PEX13: variants seen among roughly 807,000 people sequenced by gnomAD.
PEX13 encodes the protein peroxisome biogenesis factor 13.
PEX13 carries 28 observed loss-of-function variants against 34.5 expected under a neutral mutation model. The observed-to-expected ratio is 0.81, with a 90% confidence interval of 0.60 to 1.11. The LOEUF is 1.11. Ranked by LOEUF, PEX13 falls within the 50% of genes most tolerant of loss-of-function variation. The pLI is 0.00. For synonymous variants in PEX13, 177 were observed against 175.1 expected (o/e 1.01, Z -0.09); for missense variants, 550 against 491.0 (o/e 1.12, Z -1.13).
intron 1 of PEX13, among the ~76,000 whole-genome samples, chr2:61,025,129 C>T (rs1053962247): frequency 2.5e-4 from 34 of 137,220 alleles, no homozygotes; most frequent in African/African-American, 7.9e-4. Context: ...AGTGCAGTGG[C>T]GTGATCTCGG....
chr2:61,046,019 AG>A (rs1184516881), intron 3 of PEX13, among the ~76,000 whole-genome samples, 168 bp downstream of exon 3: 2 of 152,240 alleles, frequency 1.3e-5, no homozygotes, highest in Non-Finnish European at 2.9e-5. Context: ...GGAGTCAGGA[AG>A]AAATGCCCCA....
chr2:61,028,780 A>G (rs1338297295), intron 1 of PEX13, among the ~76,000 whole-genome samples: 1 of 152,220 alleles, frequency 6.6e-6, no homozygotes, highest in East Asian at 1.9e-4. Flanking sequence ...TAGAAAAGAA[A>G]GGAAACAAAC....
At chr2:61,034,721 A>G (rs371198689) in intron 2 of PEX13, among the ~76,000 whole-genome samples, 25 of 152,350 alleles carry the variant, frequency 1.6e-4, no homozygotes, top group African/African-American at 6.0e-4. Flanking sequence ...CAGCAGTCTG[A>G]GATCAACCAG....
chr2:61,021,568 A>C (rs925044855), intron 1 of PEX13, among the ~76,000 whole-genome samples: 1 of 152,224 alleles, frequency 6.6e-6, no homozygotes, highest in African/African-American at 2.4e-5. Flanking sequence ...TACTGCCTCC[A>C]TAGACTTCAG....
intron 2 of PEX13, among the ~76,000 whole-genome samples, chr2:61,043,835 T>G (rs1232084256): frequency 6.6e-6 from 1 of 152,212 alleles, no homozygotes; most frequent in African/African-American, 2.4e-5. Context: ...AGTTTTATTT[T>G]ATTTTTTTTG....
chr2:61,020,244 A>G (rs143437605), intron 1 of PEX13, among the ~76,000 whole-genome samples: 3 of 152,084 alleles, frequency 2.0e-5, no homozygotes, highest in Non-Finnish European at 2.9e-5. Flanking sequence ...ACAACAACAA[A>G]AAACTTATAA....
chr2:61,033,501 T>C (rs1680485707), intron 2 of PEX13, among the ~76,000 whole-genome samples: 1 of 152,190 alleles, frequency 6.6e-6, no homozygotes, highest in African/African-American at 2.4e-5. Flanking sequence ...GCTAGGGATA[T>C]AGCAATGAAT....
intron 1 of PEX13, among the ~76,000 whole-genome samples, chr2:61,020,706 G>T (rs1356084102): frequency 6.6e-6 from 1 of 151,996 alleles, no homozygotes; most frequent in Admixed American, 6.6e-5. Context: ...CCAGGCTGGA[G>T]TGCAGAGACG....
intron 1 of PEX13, among the ~76,000 whole-genome samples, chr2:61,025,161 C>G (rs998640120): frequency 1.3e-5 from 2 of 151,558 alleles, no homozygotes; most frequent in Non-Finnish European, 2.9e-5. Flanking sequence ...CTCTGCCACC[C>G]AGGTTCAAGC....
chr2:61,018,293 C>T lies in PEX13; in HGVS notation c.92+442C>T. Reference sequence around the variant, plus strand: ...TAACCTCTCGAGAAGTTGCTGAAAGCCGGAAAGGTTTTACGCAACAGGAAC... The same window carrying T: ...TAACCTCTCGAGAAGTTGCTGAAAGTCGGAAAGGTTTTACGCAACAGGAAC... On this transcript the variant is annotated intron_variant, in intron 1 of 3. Transcript: ENST00000295030. The T allele has an allele frequency of 3.2e-6, 5 of 1,550,192 alleles. No individual in the cohort carries two copies. In the South Asian group the frequency reaches 6.0e-5, roughly 18 times the overall value.
chr2:61,043,946 G>A (rs1385731271), intron 2 of PEX13, among the ~76,000 whole-genome samples: 1 of 152,136 alleles, frequency 6.6e-6, no homozygotes, highest in Non-Finnish European at 1.5e-5. Context: ...TGCAGACTTA[G>A]TTAAATTCTG....
At position 61,033,876 on chromosome 2, in the gene PEX13, A is replaced by G. The variant is rs978733589; in HGVS notation, c.787+1763A>G. Among the ~76,000 whole-genome samples the G allele has an allele frequency of 2.0e-5, 3 of 152,224 alleles. No individual in the cohort carries two copies. The South Asian group carries it at 6.2e-4, about 32-fold the overall frequency. ...GCAGGAGATGAAGGGAGTAGATGGT[A>G]TAAGTTGTAGACATGTGTAAGAACA... On this transcript the variant is annotated intron_variant, in intron 2 of 3. Transcript: ENST00000295030.
rs772049365 is a variant in PEX13, at chr2:61,051,925, A to G, written c.*3155A>G. 9 of 152,370 alleles carry G rather than the reference A, an allele frequency of 5.9e-5. No homozygotes were observed. Among genetic ancestry groups the G allele is most frequent in the Non-Finnish European group, 1.2e-4 (8 of 68,044 alleles). The allele number at this position is 152,370 out of a possible 1,614,324, so 9.4% of individuals were successfully genotyped here. On this transcript the variant is annotated 3_prime_UTR_variant, in exon 4 of 4. Transcript: ENST00000295030. ...AAATGAACAGAAACTGAATGCAGTT[A>G]AATTTTTATTTTTAGTAGGTTGTGA...
chr2:61,020,799 C>T (rs963009108), intron 1 of PEX13, among the ~76,000 whole-genome samples: 3 of 151,958 alleles, frequency 2.0e-5, no homozygotes, highest in East Asian at 1.9e-4. Context: ...AGACTACAGG[C>T]GCGTGCCACT....
intron 1 of PEX13, among the ~76,000 whole-genome samples, chr2:61,019,780 G>C (rs998124188): frequency 6.6e-6 from 1 of 152,122 alleles, no homozygotes; most frequent in Admixed American, 6.6e-5. Context: ...TTGATATGTA[G>C]TATGTCAAGA....
intron 2 of PEX13, among the ~76,000 whole-genome samples, chr2:61,035,104 G>T (rs1254854238): frequency 6.6e-6 from 1 of 152,156 alleles, no homozygotes; most frequent in African/African-American, 2.4e-5. Context: ...TGCCCTTCTG[G>T]GACAAAGCTT....
At position 61,048,617 on chromosome 2, in the gene PEX13, A is replaced by G. The variant is rs892266553; in HGVS notation, c.1059A>G (p.Gln353=). The G allele has an allele frequency of 5.0e-6, 8 of 1,614,032 alleles. No individual in the cohort carries two copies. The highest frequency in any genetic ancestry group is 1.3e-5 in the African/African-American group (1 of 74,928). ...VESSKVSKQQ[Q]SFTNPTLTKG... is the part of the protein sequence containing the mutation. ...CAAGTAAAGTTTCCAAGCAGCAACA[A>G]TCTTTTACCAACCCAACACTAACTA... The change falls in exon 4 of 4, where the codon CAA becomes CAG. Residue 353 remains glutamine, a synonymous_variant. Coordinates refer to ENST00000295030, the MANE Select transcript of PEX13 (RefSeq NM_002618.4).
chr2:61,030,630 A>G (rs1187098151), intron 1 of PEX13, among the ~76,000 whole-genome samples: 3 of 152,212 alleles, frequency 2.0e-5, no homozygotes. Context: ...GTTGTTAATG[A>G]GTTAACAATA....
At position 61,049,785 on chromosome 2, in the gene PEX13, A is replaced by G. The variant is rs1280751344; in HGVS notation, c.*1015A>G. 6.6e-6 allele frequency: 1 copy of G among 152,188 alleles called. No individual in the cohort carries two copies. Among genetic ancestry groups the G allele is most frequent in the East Asian group, 1.9e-4 (1 of 5,202 alleles). 9.4% of individuals were successfully genotyped at this position (152,188 alleles called of 1,614,324 possible). ...AGCGAAACTCCATCTCAAAAAATAA[A>G]ATTATTTATTTCTTTAAAATATGAC... On this transcript the variant is annotated 3_prime_UTR_variant, in exon 4 of 4. Transcript: ENST00000295030.
Sources: allele counts gnomAD v4.1 joint callset (sites outside exome capture counted in the v4.1 genomes callset), GRCh38; gene constraint gnomAD v4.1.1; transcripts MANE v1.5; gene names NCBI Gene and HGNC (gene_info 2026-07-23, HGNC 2026-07-21).